Variants in NRF1 observed in about 807,000 individuals in gnomAD.
NRF1 encodes nuclear respiratory factor 1.
Under a neutral mutation model 58.5 loss-of-function variants are expected in NRF1, and 5 were observed. That is an observed-to-expected ratio of 0.09 (90% CI 0.04 to 0.18). The LOEUF is 0.18. Among genes scored for constraint, NRF1 ranks in the 10% least tolerant of loss-of-function variants. NRF1 has a pLI of 1.00. For synonymous variants in NRF1, 224 were observed against 246.7 expected, an observed-to-expected ratio of 0.91 and a Z score of 0.86; for missense variants, 288 against 657.7, an observed-to-expected ratio of 0.44 and a Z score of 6.15.
At chr7:129,700,488 A>C (rs1304644395) in intron 5 of NRF1, among the ~76,000 whole-genome samples, 1 of 152,244 alleles carries the variant, frequency 6.6e-6, no homozygotes, top group Non-Finnish European at 1.5e-5. Context: ...ATGATGGATC[A>C]CAATTCCAAA....
intron 1 of NRF1, among the ~76,000 whole-genome samples, chr7:129,649,439 A>T (rs954234752): frequency 2.0e-5 from 3 of 152,186 alleles, no homozygotes; most frequent in Admixed American, 6.5e-5. Context: ...ACATTTAGTT[A>T]CACTTTGATT....
chr7:129,741,055 C>A lies in NRF1; in HGVS notation c.1348+13690C>A, dbSNP rs765702246. Among the ~76,000 whole-genome samples the A allele has an allele frequency of 1.3e-5, 2 of 152,136 alleles. No homozygotes were observed. The highest frequency in any genetic ancestry group is 2.9e-5 in the Non-Finnish European group (2 of 68,006). On this transcript the variant is annotated intron_variant, in intron 10 of 10. Coordinates refer to ENST00000393232, the MANE Select transcript of NRF1 (RefSeq NM_005011.5). The surrounding 1 kb of genome is among the most constrained non-coding windows in gnomAD (Gnocchi z 4.0). ...AAAGGAATCAAGTCCCTTTGGCATA[C>A]CTTCATGTCCTCTTTTTTTTGTTTT... is the stretch of plus-strand genomic sequence containing the variant.
At chr7:129,638,840 T>G (rs1801226116) in intron 1 of NRF1, among the ~76,000 whole-genome samples, 2 of 152,158 alleles carry the variant, frequency 1.3e-5, no homozygotes, top group Non-Finnish European at 2.9e-5. Context: ...TTATGCCTAG[T>G]TTTAGGTAAA....
intron 10 of NRF1, chr7:129,734,937 T>A (rs984322212): frequency 2.2e-6 from 1 of 450,064 alleles, no homozygotes; most frequent in Non-Finnish European, 2.9e-6. Context: ...CACCTGTCTC[T>A]AACAAAGTTG....
intron 10 of NRF1, among the ~76,000 whole-genome samples, chr7:129,738,575 T>A (rs577656342): frequency 5.2e-4 from 79 of 152,374 alleles, no homozygotes; most frequent in African/African-American, 1.8e-3. Context: ...ATTTTGCCTT[T>A]TGGCTATACA....
intron 5 of NRF1, among the ~76,000 whole-genome samples, chr7:129,693,371 C>G (rs1215681139): frequency 6.6e-6 from 1 of 152,096 alleles, no homozygotes; most frequent in Non-Finnish European, 1.5e-5. Context: ...GATTCATAGC[C>G]CTTTCTGTGG....
chr7:129,652,657 C>T (rs576547159), intron 1 of NRF1, among the ~76,000 whole-genome samples: 3 of 152,244 alleles, frequency 2.0e-5, no homozygotes, highest in East Asian at 1.9e-4. Flanking sequence ...AGTGCAGTGG[C>T]GCATCTCACT....
At chr7:129,661,954 C>T (rs986494967) in intron 2 of NRF1, among the ~76,000 whole-genome samples, 14 of 150,784 alleles carry the variant, frequency 9.3e-5, no homozygotes, top group Non-Finnish European at 1.8e-4. Context: ...GGGGAGGCCT[C>T]ACAACCATGG....
intron 10 of NRF1, among the ~76,000 whole-genome samples, chr7:129,733,788 T>C (rs1256616416): frequency 6.6e-6 from 1 of 152,106 alleles, no homozygotes; most frequent in African/African-American, 2.4e-5. Flanking sequence ...CTTTGAAAGG[T>C]TGAGGCAGGT....
intron 4 of NRF1, among the ~76,000 whole-genome samples, chr7:129,688,685 A>G (rs1004120784): frequency 1.4e-5 from 2 of 146,084 alleles, no homozygotes; most frequent in Non-Finnish European, 2.9e-5. Flanking sequence ...TAGTGGCAGG[A>G]GAGAGACAGA....
chr7:129,739,173 T>C (rs10277673), intron 10 of NRF1, among the ~76,000 whole-genome samples: 23,300 of 152,248 alleles, frequency 0.15, 1,908 homozygotes, highest in African/African-American at 0.22. Flanking sequence ...GCTATTTGAA[T>C]TTAAATGCAA....
intron 9 of NRF1, among the ~76,000 whole-genome samples, chr7:129,720,682 C>G (rs1415185603): frequency 6.6e-6 from 1 of 152,080 alleles, no homozygotes; most frequent in African/African-American, 2.4e-5. Context: ...GCTCCTTCAT[C>G]TTTTACAGGG....
chr7:129,619,639 C>A (rs1304872289), intron 1 of NRF1, among the ~76,000 whole-genome samples: 1 of 149,252 alleles, frequency 6.7e-6, no homozygotes, highest in Non-Finnish European at 1.5e-5. Flanking sequence ...AGGTCCTGTT[C>A]TTCCATGTCT....
intron 4 of NRF1, among the ~76,000 whole-genome samples, chr7:129,686,849 G>A (rs1207402952): frequency 6.6e-6 from 1 of 152,134 alleles, no homozygotes; most frequent in Non-Finnish European, 1.5e-5. Flanking sequence ...GGCATAAGTT[G>A]GAACACAAAC....
intron 10 of NRF1, among the ~76,000 whole-genome samples, chr7:129,746,286 G>A (rs1803973017): frequency 6.6e-6 from 1 of 152,212 alleles, no homozygotes; most frequent in Admixed American, 6.5e-5. Flanking sequence ...CTACTATCAT[G>A]AGGTTACTTG....
chr7:129,625,831 G>A (rs1027508429), intron 1 of NRF1, among the ~76,000 whole-genome samples: 2 of 152,014 alleles, frequency 1.3e-5, no homozygotes, highest in African/African-American at 4.8e-5. Context: ...TCGGGTGCCT[G>A]CCACCACACC....
Position 129,671,277 on chromosome 7 carries a change from T to C in NRF1, c.224-152T>C. On this transcript the variant is annotated intron_variant, in intron 2 of 10. Transcript: ENST00000393232. The stretch of plus-strand genomic sequence containing the variant: ...TCATAATATGAATCATGTTAAACAA[T>C]AGTGAAGTATATTGATAATATCAGG... 4 of 530,058 alleles carry C rather than the reference T, an allele frequency of 7.5e-6. 1 individual carries two copies. The South Asian group carries it at 9.2e-5, about 12-fold the overall frequency. 32.8% of individuals were successfully genotyped at this position (530,058 alleles called of 1,614,324 possible). A position where few individuals can be genotyped will look rare whatever the true frequency, so the allele number is the denominator to read the frequency against.
chr7:129,700,140 CA>C (rs34467686), intron 5 of NRF1, among the ~76,000 whole-genome samples: 92 of 126,968 alleles, frequency 7.2e-4, no homozygotes, highest in African/African-American at 6.9e-4. Context: ...GACTCCATCT[CA>C]AAAAAAAAAA....
chr7:129,700,189 G>A (rs1802788773), intron 5 of NRF1, among the ~76,000 whole-genome samples: 1 of 151,892 alleles, frequency 6.6e-6, no homozygotes, highest in South Asian at 2.1e-4. Context: ...ACAACATTGT[G>A]AACATATTTA....
Sources: allele counts gnomAD v4.1 joint callset (sites outside exome capture counted in the v4.1 genomes callset), GRCh38; gene constraint gnomAD v4.1.1; non-coding constraint Gnocchi (gnomAD v3.1); transcripts MANE v1.5; gene names NCBI Gene and HGNC (gene_info 2026-07-23, HGNC 2026-07-21).